The following COL21A1 variants were observed in gnomAD, a reference collection of about 807,000 sequenced individuals.
COL21A1 encodes the protein collagen type XXI alpha 1 chain, also known as collagen alpha-1(XXI) chain.
Under a neutral mutation model 137.9 loss-of-function variants are expected in COL21A1, and 149 were observed. The ratio of observed to expected loss-of-function variants is 1.08; its 90% CI spans 0.95 to 1.24. COL21A1 has a LOEUF of 1.24. COL21A1 is among the 50% of genes most tolerant of loss of function. The pLI is 0.00. For synonymous variants in COL21A1, 456 were observed against 391.5 expected (o/e 1.16, Z -1.95); for missense variants, 1,167 against 1,158.4 (o/e 1.01, Z -0.11).
chr6:56,094,377 G>C (rs1279220912), intron 17 of COL21A1, among the ~76,000 whole-genome samples: 3 of 152,112 alleles, frequency 2.0e-5, no homozygotes, highest in African/African-American at 7.2e-5. Context: ...TCTAGCAACA[G>C]TGTGTTGATG....
intron 1 of COL21A1, among the ~76,000 whole-genome samples, chr6:56,324,312 G>C (rs573628194): frequency 3.9e-5 from 6 of 152,100 alleles, no homozygotes; most frequent in African/African-American, 1.4e-4. Flanking sequence ...CCTTCCCTTA[G>C]ACTAAATAAA....
chr6:56,323,596 G>A (rs2152341825), intron 1 of COL21A1, among the ~76,000 whole-genome samples: 1 of 152,130 alleles, frequency 6.6e-6, no homozygotes, highest in African/African-American at 2.4e-5. Flanking sequence ...CAGCATGTTG[G>A]CCAGGCTGGT....
chr6:56,389,539 A>G (rs912268703), intron 1 of COL21A1, among the ~76,000 whole-genome samples: 2 of 152,180 alleles, frequency 1.3e-5, no homozygotes, highest in Non-Finnish European at 2.9e-5. Flanking sequence ...AACAACACAT[A>G]ACCCTCTAGA....
At chr6:56,245,368 C>T (rs1782577631) in intron 1 of COL21A1, among the ~76,000 whole-genome samples, 1 of 152,096 alleles carries the variant, frequency 6.6e-6, no homozygotes, top group African/African-American at 2.4e-5. Context: ...AAACTTTTTC[C>T]AGAAAGTTCC....
At chr6:56,173,657 T>C (rs917492961) in intron 3 of COL21A1, among the ~76,000 whole-genome samples, 1 of 151,996 alleles carries the variant, frequency 6.6e-6, no homozygotes, top group South Asian at 2.1e-4. Context: ...CAGGAAGATA[T>C]AATAATTATG....
At chr6:56,258,861 A>G (rs534017050) in intron 1 of COL21A1, among the ~76,000 whole-genome samples, 1 of 152,308 alleles carries the variant, frequency 6.6e-6, no homozygotes, top group South Asian at 2.1e-4. Flanking sequence ...CACATGTCCT[A>G]TGAGATATTT....
At chr6:56,105,573 A>G (rs996343145) in intron 16 of COL21A1, among the ~76,000 whole-genome samples, 1 of 152,172 alleles carries the variant, frequency 6.6e-6, no homozygotes, top group African/African-American at 2.4e-5. Context: ...ATTATTTTCT[A>G]TAACTAGGAG....
chr6:56,327,212 A>G (rs757657167), intron 1 of COL21A1, among the ~76,000 whole-genome samples: 1 of 151,962 alleles, frequency 6.6e-6, no homozygotes, highest in Non-Finnish European at 1.5e-5. Context: ...TTTAGATTTC[A>G]TGAATTTGTT....
chr6:56,113,760 T>G (rs1042983902), intron 16 of COL21A1, among the ~76,000 whole-genome samples: 1 of 152,136 alleles, frequency 6.6e-6, no homozygotes, highest in East Asian at 1.9e-4. Context: ...AGCAGAGTCT[T>G]GAGGTCTCCA....
intron 1 of COL21A1, among the ~76,000 whole-genome samples, chr6:56,329,099 A>G (rs1765164677): frequency 6.6e-6 from 1 of 152,150 alleles, no homozygotes; most frequent in Non-Finnish European, 1.5e-5. Flanking sequence ...TAAAATGAAA[A>G]AAGCAGTATC....
chr6:56,258,687 C>G (rs1448300076), intron 1 of COL21A1, among the ~76,000 whole-genome samples: 3 of 152,084 alleles, frequency 2.0e-5, no homozygotes, highest in Admixed American at 6.5e-5. Flanking sequence ...TCAGTGCTGG[C>G]AAGTTTTTAA....
At chr6:56,124,157 A>AT (rs746035068) in intron 15 of COL21A1, 42 bp from the exon 16 acceptor site, 9 of 1,532,598 alleles carry the variant, frequency 5.9e-6, no homozygotes, top group Non-Finnish European at 2.6e-6. Context: ...TTTTGCACTA[A>AT]TTTTTTCTCT....
intron 1 of COL21A1, among the ~76,000 whole-genome samples, chr6:56,272,236 C>G (rs1331164912): frequency 6.6e-6 from 1 of 152,206 alleles, no homozygotes; most frequent in Non-Finnish European, 1.5e-5. Context: ...GAGCTCATCC[C>G]TTGCATCAGC....
chr6:56,350,401 G>T (rs1474948061), intron 1 of COL21A1, among the ~76,000 whole-genome samples: 1 of 152,176 alleles, frequency 6.6e-6, no homozygotes. Context: ...AATGTTAGCT[G>T]GGAGAAACAG....
chr6:56,077,876 T>G, intron 17 of COL21A1: 1 of 369,840 alleles, frequency 2.7e-6, no homozygotes, highest in Non-Finnish European at 5.1e-6. Context: ...GATGTTTCAT[T>G]TGAACACATT....
chr6:56,136,322 C>A (rs2152229945), intron 12 of COL21A1, among the ~76,000 whole-genome samples: 1 of 152,270 alleles, frequency 6.6e-6, no homozygotes, highest in South Asian at 2.1e-4. Context: ...TCTAGCCTAC[C>A]TATTGTCTTG....
intron 21 of COL21A1, among the ~76,000 whole-genome samples, chr6:56,069,526 T>A (rs1766552855): frequency 6.6e-6 from 1 of 150,676 alleles, no homozygotes; most frequent in Non-Finnish European, 1.5e-5. Flanking sequence ...CTTATTTTCT[T>A]GTTACAAAAT....
intron 1 of COL21A1, among the ~76,000 whole-genome samples, chr6:56,312,605 A>C (rs1764637580): frequency 6.6e-6 from 1 of 152,232 alleles, no homozygotes; most frequent in Non-Finnish European, 1.5e-5. Flanking sequence ...AATAGCCAGG[A>C]ATAATATACA....
chr6:56,339,060 A>G lies in COL21A1; in HGVS notation c.-39+54911T>C, dbSNP rs1254789683. ...GCATGTATGAAGCATAGCATATTAC[A>G]TATTAGCCATCATCATCATCCTCTC... On this transcript the variant is annotated intron_variant, in intron 1 of 28. Coordinates refer to the COL21A1 transcript ENST00000370819. Among the ~76,000 whole-genome samples, 2 of 152,332 alleles carry G rather than the reference A, an allele frequency of 1.3e-5. 1 individual carries two copies.
Sources: allele counts gnomAD v4.1 joint callset (sites outside exome capture counted in the v4.1 genomes callset), GRCh38; gene constraint gnomAD v4.1.1; transcripts MANE v1.5; gene names NCBI Gene and HGNC (gene_info 2026-07-23, HGNC 2026-07-21).